Variants in ZFHX2 observed in about 807,000 individuals in gnomAD.
ZFHX2 encodes the protein zinc finger homeobox protein 2.
A neutral mutation model predicts 164.8 loss-of-function variants in ZFHX2; 75 were observed. That is an observed-to-expected ratio of 0.46 (90% CI 0.38 to 0.55). The LOEUF is 0.55. Ranked by LOEUF, ZFHX2 falls within the 20% of genes least tolerant of loss-of-function variation. ZFHX2 has a pLI of 0.00. For missense variants in ZFHX2, 2,933 were observed against 3,308.0 expected, an observed-to-expected ratio of 0.89 and a Z score of 2.78; for synonymous variants, 1,217 against 1,351.4, an observed-to-expected ratio of 0.90 and a Z score of 2.18.
At chr14:23,532,340 A>G in intron 3 of ZFHX2, 1 of 499,410 alleles carries the variant, frequency 2.0e-6, no homozygotes, top group Non-Finnish European at 3.3e-6. Context: ...CAAACACCAG[A>G]AGAGCTGAAT....
chr14:23,522,116 T>C lies in ZFHX2; in HGVS notation c.7565A>G (p.Lys2522Arg), dbSNP rs1293975127. The change falls in exon 10 of 10, where the codon AAG becomes AGG. Residue 2522 changes from lysine to arginine, a missense_variant. Lys to Arg is a conservative substitution (Grantham distance 26). Coordinates refer to ENST00000419474, the MANE Select transcript of ZFHX2 (RefSeq NM_033400.3). ...SHLRSSAHRR[K>R]AAPPQGGPPI... ...TGGGCCCCCTTGAGGTGGGGCTGCCTTGCGCCTGTGGGCCGAGGAGCGCAG... is the reference window on the plus strand; with the variant it reads ...TGGGCCCCCTTGAGGTGGGGCTGCCCTGCGCCTGTGGGCCGAGGAGCGCAG... The C allele has an allele frequency of 2.3e-5, 35 of 1,533,682 alleles. No individual in the cohort carries two copies. The highest frequency in any genetic ancestry group is 3.1e-5 in the Non-Finnish European group (35 of 1,145,534).
In ZFHX2 at chr14:23,522,068, G is replaced by A. The variant is rs767802341; in HGVS notation, c.7613C>T (p.Ala2538Val). 47 of 1,536,246 alleles carry A rather than the reference G, an allele frequency of 3.1e-5. No homozygotes were observed. Among genetic ancestry groups the A allele is most frequent in the Non-Finnish European group, 4.0e-5 (46 of 1,146,884 alleles). ...GGPPISITNA[A>V]TAASAAVAFA... ...AGCCACAGCAGCCGAGGCAGCAGTG[G>A]CGGCGTTGGTGATGGAGATGGGTGG... Residue 2538 changes from alanine (A) to valine (V), a missense_variant, in exon 10 of 10, where the codon GCC becomes GTC. Coordinates refer to ENST00000419474, the MANE Select transcript of ZFHX2 (RefSeq NM_033400.3).
Position 23,527,781 on chromosome 14 carries a change from G to A in ZFHX2, c.2958C>T (p.Ser986=), listed in dbSNP as rs944933357. 1.3e-6 allele frequency: 2 copies of A among 1,535,972 alleles called. No homozygotes were observed. The highest frequency in any genetic ancestry group is 1.7e-6 in the Non-Finnish European group (2 of 1,146,844). ...QTTVYCCPYC[S]FLSPESSQVR... is the part of the protein sequence containing the mutation. ...CCTGGCTGGACTCTGGGCTCAGGAA[G>A]CTGCAGTATGGACAGCAGTATACCT... Residue 986 remains serine, a synonymous_variant, in exon 7 of 10, where the codon AGC becomes AGT. Coordinates refer to ENST00000419474, the MANE Select transcript of ZFHX2 (RefSeq NM_033400.3).
chr14:23,543,139 G>A lies in ZFHX2; in HGVS notation c.-49-7765C>T, dbSNP rs550587848. 4 of 152,350 alleles carry A rather than the reference G, an allele frequency of 2.6e-5. No individual in the cohort carries two copies. The South Asian group carries it at 8.3e-4, about 32-fold the overall frequency. The allele number at this position is 152,350 out of a possible 1,614,324, so 9.4% of individuals were successfully genotyped here. A position where few individuals can be genotyped will look rare whatever the true frequency, so the allele number is the denominator to read the frequency against. ...AATAGTATTACAACAAAAACTAATT[G>A]TAATAATAGTAAATAGCTAACATCT... On this transcript the variant is annotated intron_variant, in intron 1 of 9. Coordinates refer to ENST00000419474, the MANE Select transcript of ZFHX2 (RefSeq NM_033400.3).
At chr14:23,541,883 C>T (rs1880860116) in intron 1 of ZFHX2, among the ~76,000 whole-genome samples, 1 of 152,184 alleles carries the variant, frequency 6.6e-6, no homozygotes. Context: ...TTTGATTCTT[C>T]CCTTTTAATT....
intron 1 of ZFHX2, among the ~76,000 whole-genome samples, chr14:23,550,829 C>T (rs907914000): frequency 8.5e-5 from 13 of 152,188 alleles, no homozygotes; most frequent in Admixed American, 2.0e-4. Flanking sequence ...TCCCCTCCCA[C>T]TCCACGCCCC....
In ZFHX2 at chr14:23,529,366, GAGCTGGGCAGT is replaced by G. The variant is rs1879222673; in HGVS notation, c.2934+333_2934+343del. The G allele has an allele frequency of 1.7e-5, 5 of 293,986 alleles. No individual in the cohort carries two copies. In the East Asian group the frequency reaches 4.5e-4, roughly 26 times the overall value. 18.2% of individuals were successfully genotyped at this position (293,986 alleles called of 1,614,324 possible). ...TTTCTGCTCCTAACTAAGGGATAAA[GAGCTGGGCAGT>G]AGCTGGTTGTTTGCTTTTGCCTTTC... is the stretch of plus-strand genomic sequence containing the variant. On this transcript the variant is annotated intron_variant, in intron 6 of 9. Transcript: ENST00000419474.
At position 23,520,968 on chromosome 14, in the gene ZFHX2, T is replaced by C. The variant is rs749128155; in HGVS notation, c.*994A>G. On this transcript the variant is annotated 3_prime_UTR_variant, in exon 10 of 10. Coordinates refer to ENST00000419474, the MANE Select transcript of ZFHX2 (RefSeq NM_033400.3). This position sits in a 1 kb window ranked among gnomAD's most constrained non-coding sequence, Gnocchi z 8.7. ...CTCTTTTGTGCGCGTGTGCACGTAC[T>C]CTCTCTCGCTCTTGCTTTTTTGGTT... The C allele has an allele frequency of 6.6e-6, 1 of 152,042 alleles. No individual in the cohort carries two copies. The highest frequency in any genetic ancestry group is 2.1e-4 in the South Asian group (1 of 4,816). The allele number at this position is 152,042 out of a possible 1,614,324, so 9.4% of individuals were successfully genotyped here.
chr14:23,523,533 T>A lies in ZFHX2; in HGVS notation c.6409A>T (p.Ser2137Cys), dbSNP rs223124. 6.5e-7 allele frequency: 1 copy of A among 1,536,368 alleles called. No individual in the cohort carries two copies. Among genetic ancestry groups the A allele is most frequent in the African/African-American group, 1.4e-5 (1 of 73,020 alleles). ...GTAAGSTGGS[S>C]EGLLAAQRTD... Reference sequence around the variant, plus strand: ...CGCTGGGCTGCTAAGAGGCCCTCACTGCTGCCCCCAGTGCTCCCAGCGGCT... The same window carrying A: ...CGCTGGGCTGCTAAGAGGCCCTCACAGCTGCCCCCAGTGCTCCCAGCGGCT... The change falls in exon 9 of 10, where the codon AGT becomes TGT. Residue 2137 changes from serine (S) to cysteine (C), a missense_variant. Physicochemically the swap from Ser to Cys is moderately radical, Grantham distance 112 (BLOSUM62 -1). Coordinates refer to ENST00000419474, the MANE Select transcript of ZFHX2 (RefSeq NM_033400.3). This position sits in a 1 kb window ranked among gnomAD's most constrained non-coding sequence, Gnocchi z 4.1.
chr14:23,534,789 T>G lies in ZFHX2; in HGVS notation c.537A>C (p.Gln179His). Residue 179 changes from glutamine to histidine, a missense_variant, in exon 2 of 10, where the codon CAA (glutamine) becomes CAC (histidine). Transcript: ENST00000419474. This position sits in a 1 kb window ranked among gnomAD's most constrained non-coding sequence, Gnocchi z 4.5. ...LHIQHGFDPI[Q>H]GFSSSDQILS... ...GAATTTGGTCAGAAGAGCTAAAGCC[T>G]TGGATTGGGTCAAAGCCATGTTGGA... 6.5e-7 allele frequency: 1 copy of G among 1,536,126 alleles called. No individual in the cohort carries two copies. Among genetic ancestry groups the G allele is most frequent in the Non-Finnish European group, 8.7e-7 (1 of 1,146,876 alleles).
At chr14:23,536,937 A>G (rs1880213052) in intron 1 of ZFHX2, among the ~76,000 whole-genome samples, 1 of 133,524 alleles carries the variant, frequency 7.5e-6, no homozygotes, top group African/African-American at 2.8e-5. Flanking sequence ...CAGGAGTTTG[A>G]GACTAGCCTG....
rs1475167317 is a variant in ZFHX2, at chr14:23,523,968, G to A, written c.5974C>T (p.Pro1992Ser). The change falls in exon 9 of 10, where the codon CCA (proline) becomes TCA (serine). Residue 1992 changes from proline (P) to serine (S), a missense_variant. By Grantham distance (74) the Pro-to-Ser change is moderately conservative. Transcript: ENST00000419474. This position sits in a 1 kb window ranked among gnomAD's most constrained non-coding sequence, Gnocchi z 4.1. ...PPGKEATTPT[P>S]EPPLPLLPPP... ...GGTAGGAGAGGTAGAGGTGGCTCTG[G>A]TGTTGGGGTGGTGGCCTCTTTCCCA... 2 of 1,532,172 alleles carry A rather than the reference G, an allele frequency of 1.3e-6. No homozygotes were observed. Among genetic ancestry groups the A allele is most frequent in the Admixed American group, 2.0e-5 (1 of 50,702 alleles). The allele number at this position is 1,532,172 out of a possible 1,614,324, so 94.9% of individuals were successfully genotyped here.
Position 23,526,550 on chromosome 14 carries a change from G to T in ZFHX2, c.3392C>A (p.Pro1131His). ...GTCTTCAGCTTGGGCATCAGGTTCA[G>T]GGACTGGAGATGGGGCTGGAGAAGG... is the stretch of plus-strand genomic sequence containing the variant. ...QPPSPAPSPV[P>H]EPDAQAEDVA... is the part of the protein sequence containing the mutation. Residue 1131 changes from proline to histidine, a missense_variant, in exon 9 of 10, where the codon CCT becomes CAT. Transcript: ENST00000419474. 6.5e-7 allele frequency: 1 copy of T among 1,535,934 alleles called. No homozygotes were observed. The highest frequency in any genetic ancestry group is 8.7e-7 in the Non-Finnish European group (1 of 1,146,838).
At chr14:23,542,927 G>C (rs574416154) in intron 1 of ZFHX2, 1 of 152,164 alleles carries the variant, frequency 6.6e-6, no homozygotes, top group East Asian at 1.9e-4. Flanking sequence ...GTAGAGACAG[G>C]GTTTCACCAT....
Position 23,533,012 on chromosome 14 carries a change from G to T in ZFHX2, c.2114C>A (p.Pro705His), listed in dbSNP as rs773850439. The part of the protein sequence containing the change: ...QLLGSSSDSL[P>H]TSPPPDDSLS... ...GCTGTCGTCTGGGGGTGGTGAGGTG[G>T]GCAGGCTGTCAGATGAGGAACCCAG... The change falls in exon 3 of 10, where the codon CCC becomes CAC. Residue 705 changes from proline to histidine, a missense_variant. Coordinates refer to ENST00000419474, the MANE Select transcript of ZFHX2 (RefSeq NM_033400.3). This position sits in a 1 kb window ranked among gnomAD's most constrained non-coding sequence, Gnocchi z 4.8. 7.6e-5 allele frequency: 117 copies of T among 1,535,992 alleles called. No individual in the cohort carries two copies. The highest frequency in any genetic ancestry group is 8.7e-5 in the Non-Finnish European group (100 of 1,146,882).
rs532492303 is a variant in ZFHX2, at chr14:23,530,518, C to G, written c.2801-324G>C. ...CTTAAATGACCCAGGAAATGGGAAGCCCCAGAGAAATGTAGTAGGAGGGGC... is the reference window on the plus strand; with the variant it reads ...CTTAAATGACCCAGGAAATGGGAAGGCCCAGAGAAATGTAGTAGGAGGGGC... On this transcript the variant is annotated intron_variant, in intron 4 of 9. Transcript: ENST00000419474. 4 of 544,832 alleles carry G rather than the reference C, an allele frequency of 7.3e-6. No individual in the cohort carries two copies. The Admixed American group carries it at 9.7e-5, about 13-fold the overall frequency. The allele number at this position is 544,832 out of a possible 1,614,324, so 33.7% of individuals were successfully genotyped here. A position where few individuals can be genotyped will look rare whatever the true frequency, so the allele number is the denominator to read the frequency against.
chr14:23,547,895 A>G (rs928670205), intron 1 of ZFHX2, among the ~76,000 whole-genome samples: 6 of 152,214 alleles, frequency 3.9e-5, no homozygotes, highest in African/African-American at 1.2e-4. Flanking sequence ...TCAGATGACC[A>G]TGTGACTAAC....
Position 23,534,467 on chromosome 14 carries a change from C to A in ZFHX2, c.859G>T (p.Ala287Ser), listed in dbSNP as rs563839935. 2.0e-6 allele frequency: 3 copies of A among 1,536,304 alleles called. No homozygotes were observed. Among genetic ancestry groups the A allele is most frequent in the South Asian group, 2.4e-5 (2 of 84,070 alleles). Residue 287 changes from alanine (A) to serine (S), a missense_variant, in exon 2 of 10, where the codon GCC becomes TCC. Ala to Ser is a moderately conservative substitution (Grantham distance 99, BLOSUM62 1). Transcript: ENST00000419474. This position sits in a 1 kb window ranked among gnomAD's most constrained non-coding sequence, Gnocchi z 4.5. ...VLQEGDEGCK[A>S]LISFLEPKLP... ...TTTGGCTCCAGAAAGCTTATGAGGG[C>A]CTTGCAGCCTTCATCTCCCTCCTGG... is the stretch of plus-strand genomic sequence containing the variant.
Position 23,522,644 on chromosome 14 carries a change from A to G in ZFHX2, c.7037T>C (p.Leu2346Pro). 6.5e-7 allele frequency: 1 copy of G among 1,536,168 alleles called. No individual in the cohort carries two copies. The highest frequency in any genetic ancestry group is 1.4e-5 in the African/African-American group (1 of 73,170). Reference sequence around the variant, plus strand: ...CCCAGCAGGGGGCAATGGAAAGGGCAGGAACTGGCCCCCCAACAGGGCTGG... The same window carrying G: ...CCCAGCAGGGGGCAATGGAAAGGGCGGGAACTGGCCCCCCAACAGGGCTGG... ...TVPALLGGQFLPFPLPPAGGT... is the reference protein window; with the variant it reads ...TVPALLGGQFPPFPLPPAGGT... The change falls in exon 10 of 10, where the codon CTG becomes CCG. Residue 2346 changes from leucine to proline, a missense_variant. Coordinates refer to ENST00000419474, the MANE Select transcript of ZFHX2 (RefSeq NM_033400.3).
Sources: allele counts gnomAD v4.1 joint callset (sites outside exome capture counted in the v4.1 genomes callset), GRCh38; gene constraint gnomAD v4.1.1; non-coding constraint Gnocchi (gnomAD v3.1); transcripts MANE v1.5; gene names NCBI Gene and HGNC (gene_info 2026-07-23, HGNC 2026-07-21).